PLXNC1: variants seen among roughly 807,000 people sequenced by gnomAD.
PLXNC1 encodes the protein plexin-C1.
A neutral mutation model predicts 178.2 loss-of-function variants in PLXNC1; 75 were observed. The ratio of observed to expected loss-of-function variants is 0.42; its 90% CI spans 0.35 to 0.51. The LOEUF is 0.51. PLXNC1 is among the 20% of genes least tolerant of loss of function. The probability of loss-of-function intolerance (pLI) is 0.02; values close to 1 mark genes in which losing one functional copy is unlikely to be tolerated. For missense variants in PLXNC1, 1,503 were observed against 1,984.4 expected (o/e 0.76, Z 4.61); for synonymous variants, 790 against 779.9 (o/e 1.01, Z -0.22).
At position 94,294,476 on chromosome 12, in the gene PLXNC1, T is replaced by G; in HGVS notation, c.3880-10T>G. 1.6e-6 allele frequency: 2 copies of G among 1,226,796 alleles called. No homozygotes were observed. The highest frequency in any genetic ancestry group is 2.4e-6 in the Non-Finnish European group (2 of 841,402). The allele number at this position is 1,226,796 out of a possible 1,614,324, so 76.0% of individuals were successfully genotyped here. On this transcript the variant is annotated splice_polypyrimidine_tract_variant and intron_variant, in intron 23 of 30. Coordinates refer to ENST00000258526, the MANE Select transcript of PLXNC1 (RefSeq NM_005761.3). ...TTGAACACTCATATATCTTTTATCT[T>G]TGGTTTCAGATATCAAATGGATCCA...
At chr12:94,150,733 G>A (rs1960930508) in intron 1 of PLXNC1, 1 of 152,432 alleles carries the variant, frequency 6.6e-6, no homozygotes. Context: ...TGGGCGGGAG[G>A]TGGCCTTGTG....
chr12:94,299,702 C>A (rs540453740), intron 27 of PLXNC1, among the ~76,000 whole-genome samples: 2 of 152,172 alleles, frequency 1.3e-5, no homozygotes, highest in South Asian at 4.1e-4. Context: ...TGGAATTACA[C>A]GAGCATGCCA....
In PLXNC1 at chr12:94,292,290, A is replaced by G. The variant is rs1410874029; in HGVS notation, c.3880-2196A>G. 2.8e-4 allele frequency among the ~76,000 whole-genome samples: 43 copies of G among 152,176 alleles called. 1 individual carries two copies. The highest frequency in any genetic ancestry group is 2.8e-3 in the Admixed American group (43 of 15,270). ...GAAAAGTAATTACCTCTGGATGAAG[A>G]TGGGGTGGTCATTGTCTCGGAAGGG... On this transcript the variant is annotated intron_variant, in intron 23 of 30. Coordinates refer to ENST00000258526, the MANE Select transcript of PLXNC1 (RefSeq NM_005761.3).
chr12:94,201,748 C>CTTTTTT (rs10529488), intron 4 of PLXNC1, among the ~76,000 whole-genome samples: 1 of 54,422 alleles, frequency 1.8e-5, no homozygotes, highest in African/African-American at 7.3e-5. Flanking sequence ...CTTCCCACTA[C>CTTTTTT]TTTTTTTTTT....
At chr12:94,195,305 AAG>A (rs1188793256) in intron 4 of PLXNC1, among the ~76,000 whole-genome samples, 2 of 152,146 alleles carry the variant, frequency 1.3e-5, no homozygotes, top group Non-Finnish European at 2.9e-5. Flanking sequence ...GTGTTTTGTA[AAG>A]AGAGAGTTTA....
Position 94,173,599 on chromosome 12 carries a change from G to A in PLXNC1, c.1203+4306G>A, listed in dbSNP as rs114765264. 4.2e-3 allele frequency among the ~76,000 whole-genome samples: 643 copies of A among 152,230 alleles called. 1 individual carries two copies. The highest frequency in any genetic ancestry group is 0.014 in the African/African-American group (562 of 41,518). On this transcript the variant is annotated intron_variant, in intron 2 of 30. Coordinates refer to ENST00000258526, the MANE Select transcript of PLXNC1 (RefSeq NM_005761.3). ...TATAAATGAAAAAACCTGAGGCCTCGAGAGGTTAGGTATCTTTTTCAAGGT... is the reference window on the plus strand; with the variant it reads ...TATAAATGAAAAAACCTGAGGCCTCAAGAGGTTAGGTATCTTTTTCAAGGT...
At chr12:94,292,222 A>G (rs968449696) in intron 23 of PLXNC1, among the ~76,000 whole-genome samples, 63 of 152,216 alleles carry the variant, frequency 4.1e-4, no homozygotes, top group African/African-American at 1.5e-3. Flanking sequence ...TATTTATATG[A>G]TACCCAAGAA....
chr12:94,232,454 ACC>A lies in PLXNC1; in HGVS notation c.1981-5209_1981-5208del, dbSNP rs1324104263. ...GCAATCCAGATGAATGCTTTTGGGGACCTTGCCTTCAAGAGTGAAATTAAATT... is the reference window on the plus strand; with the variant it reads ...GCAATCCAGATGAATGCTTTTGGGGATTGCCTTCAAGAGTGAAATTAAATT... On this transcript the variant is annotated intron_variant, in intron 9 of 30. Transcript: ENST00000258526. 9.9e-5 allele frequency among the ~76,000 whole-genome samples: 15 copies of A among 152,252 alleles called. No homozygotes were observed. The South Asian group carries it at 1.9e-3, about 19-fold the overall frequency.
intron 3 of PLXNC1, 58 bp from the exon 4 acceptor site, chr12:94,186,315 G>A: frequency 8.1e-7 from 1 of 1,228,314 alleles, no homozygotes; most frequent in Non-Finnish European, 1.2e-6. Context: ...ATAAGGTGTT[G>A]TAGTTTTCCT....
intron 3 of PLXNC1, among the ~76,000 whole-genome samples, chr12:94,182,589 G>A (rs1294446762): frequency 6.6e-6 from 1 of 151,722 alleles, no homozygotes; most frequent in Admixed American, 6.6e-5. Context: ...GCTGGGCGTG[G>A]TGGTGCATGC....
rs188982564 is a variant in PLXNC1, at chr12:94,178,926, C to T, written c.1204-2520C>T. Among the ~76,000 whole-genome samples the T allele has an allele frequency of 3.9e-3, 598 of 152,220 alleles. 6 individuals carry two copies. Among genetic ancestry groups the T allele is most frequent in the Admixed American group, 0.021 (315 of 15,288 alleles). ...AAAGAGCTTTTAAGAAGTCATATTT[C>T]ATATGTTTGGTTAGTGAGATTGACT... On this transcript the variant is annotated intron_variant, in intron 2 of 30. Transcript: ENST00000258526.
chr12:94,163,210 A>T (rs1448757743), intron 1 of PLXNC1, among the ~76,000 whole-genome samples: 1 of 152,050 alleles, frequency 6.6e-6, no homozygotes, highest in East Asian at 1.9e-4. Flanking sequence ...CTAAAAATAC[A>T]ATAATTAGCC....
intron 1 of PLXNC1, among the ~76,000 whole-genome samples, chr12:94,167,628 C>G (rs1421212059): frequency 6.6e-6 from 1 of 152,200 alleles, no homozygotes; most frequent in Admixed American, 6.5e-5. Context: ...GCTTCCTTAT[C>G]TAAACAGTGA....
Position 94,237,682 on chromosome 12 carries a change from A to G in PLXNC1, c.1999A>G (p.Ile667Val), listed in dbSNP as rs1194862176. 2.5e-6 allele frequency: 4 copies of G among 1,613,842 alleles called. No homozygotes were observed. Among genetic ancestry groups the G allele is most frequent in the East Asian group, 2.2e-5 (1 of 44,872 alleles). ...QALQVFYIKS[I>V]EPQKVSTLGK... ...CCAATAGGTCTTCTACATTAAGTCC[A>G]TTGAGCCACAGAAAGTATCGACATT... The change falls in exon 10 of 31, where the codon ATT becomes GTT. Residue 667 changes from isoleucine (I) to valine (V), a missense_variant. Ile to Val is a conservative substitution (Grantham distance 29). Coordinates refer to ENST00000258526, the MANE Select transcript of PLXNC1 (RefSeq NM_005761.3).
chr12:94,199,584 G>T (rs116047666), intron 4 of PLXNC1, among the ~76,000 whole-genome samples: 31 of 152,272 alleles, frequency 2.0e-4, no homozygotes, highest in African/African-American at 7.5e-4. Context: ...AACACCAGAA[G>T]GGGTCTGGGG....
chr12:94,273,089 T>C (rs1965682948), intron 21 of PLXNC1, among the ~76,000 whole-genome samples: 1 of 152,248 alleles, frequency 6.6e-6, no homozygotes, highest in Admixed American at 6.5e-5. Context: ...CCTCATCCAT[T>C]AAATGAGGCT....
chr12:94,169,309 C>T lies in PLXNC1; in HGVS notation c.1203+16C>T, dbSNP rs1440071230. 1 of 1,609,292 alleles carries T rather than the reference C, an allele frequency of 6.2e-7. No homozygotes were observed. The highest frequency in any genetic ancestry group is 8.5e-7 in the Non-Finnish European group (1 of 1,176,408). ...GTTACTTAAGGTTGGTTTTCTGTGC[C>T]TTCTTCAAATGTCTATTTTAATGGT... On this transcript the variant is annotated intron_variant, in intron 2 of 30. Coordinates refer to ENST00000258526, the MANE Select transcript of PLXNC1 (RefSeq NM_005761.3).
chr12:94,167,219 A>G (rs1285853534), intron 1 of PLXNC1, among the ~76,000 whole-genome samples: 1 of 152,190 alleles, frequency 6.6e-6, no homozygotes, highest in Non-Finnish European at 1.5e-5. Flanking sequence ...CCACCTCAGG[A>G]AAGGCTACCC....
At chr12:94,279,134 C>A (rs890392905) in intron 21 of PLXNC1, among the ~76,000 whole-genome samples, 1 of 152,134 alleles carries the variant, frequency 6.6e-6, no homozygotes, top group African/African-American at 2.4e-5. Flanking sequence ...TACTGTGGAA[C>A]CCTTCCAATT....
Sources: allele counts gnomAD v4.1 joint callset (sites outside exome capture counted in the v4.1 genomes callset), GRCh38; gene constraint gnomAD v4.1.1; transcripts MANE v1.5; gene names NCBI Gene and HGNC (gene_info 2026-07-23, HGNC 2026-07-21).